Variants in YWHAZ observed in about 807,000 individuals in gnomAD.
YWHAZ encodes the protein 14-3-3 protein zeta/delta.
For synonymous variants in YWHAZ, 87 were observed against 103.6 expected, an observed-to-expected ratio of 0.84 and a Z score of 0.97; for missense variants, 79 against 284.8, an observed-to-expected ratio of 0.28 and a Z score of 5.20.
chr8:100,952,253 G>A, upstream of YWHAZ: 1 of 656,560 alleles, frequency 1.5e-6, no homozygotes, highest in Non-Finnish European at 1.9e-6. Context: ...GCCCGCAGCC[G>A]CCACTCCTCC....
intron 1 of YWHAZ, among the ~76,000 whole-genome samples, chr8:100,949,959 C>T (rs1810587278): frequency 6.6e-6 from 1 of 152,164 alleles, no homozygotes. Flanking sequence ...AAAATACACA[C>T]CCTGAATGAA....
chr8:100,952,864 G>A, upstream of YWHAZ: 1 of 1,000,430 alleles, frequency 1.0e-6, no homozygotes, highest in South Asian at 4.7e-5. Flanking sequence ...TGGCTCGGGG[G>A]AAGCGGTCCT....
rs1312331660 is a variant in YWHAZ at position 100,932,831 on chromosome 8, C to T, written c.295-7792G>A. Among the ~76,000 whole-genome samples, 3 of 151,948 alleles carry T rather than the reference C, an allele frequency of 2.0e-5. No homozygotes were observed. In the South Asian group the frequency reaches 6.2e-4, roughly 32 times the overall value. Reference sequence around the variant, plus strand: ...TCACTGAAAGATGTCTATTTAAGGGCTATTAATAAAATAATGTTTCAGATT... The same window carrying T: ...TCACTGAAAGATGTCTATTTAAGGGTTATTAATAAAATAATGTTTCAGATT... On this transcript the variant is annotated intron_variant, in intron 2 of 5. Transcript: ENST00000395958.
At chr8:100,934,676 A>G (rs1002018261) in intron 2 of YWHAZ, among the ~76,000 whole-genome samples, 2 of 152,130 alleles carry the variant, frequency 1.3e-5, no homozygotes, top group African/African-American at 4.8e-5. Flanking sequence ...ATAGGGCGAG[A>G]CTGTCTCCAA....
At chr8:100,953,004 G>C, upstream of YWHAZ, 1 of 1,000,600 alleles carries the variant, frequency 1.0e-6, no homozygotes, top group South Asian at 4.7e-5. Flanking sequence ...ATGGGTGGGC[G>C]CCGAGGTGGG....
chr8:100,942,717 C>A (rs1809964768), intron 2 of YWHAZ, among the ~76,000 whole-genome samples: 1 of 152,046 alleles, frequency 6.6e-6, no homozygotes, highest in African/African-American at 2.4e-5. Context: ...AGTGAGACGA[C>A]CAAACTAAAG....
At chr8:100,950,484 T>C (rs1810635881) in intron 1 of YWHAZ, 4 of 985,534 alleles carry the variant, frequency 4.1e-6, no homozygotes, top group Non-Finnish European at 4.8e-6. Context: ...GGTCCGCGTA[T>C]CGCAACCACC....
chr8:100,945,798 A>C (rs1027164506), intron 2 of YWHAZ, among the ~76,000 whole-genome samples: 10 of 152,134 alleles, frequency 6.6e-5, no homozygotes, highest in African/African-American at 2.4e-4. Flanking sequence ...AATTTTCCCA[A>C]GCAGAAAAAG....
Position 100,924,801 on chromosome 8 carries a change from A to T in YWHAZ, c.418+115T>A. On this transcript the variant is annotated intron_variant, in intron 3 of 5. Transcript: ENST00000395958. The surrounding 1 kb of genome is among the most constrained non-coding windows in gnomAD (Gnocchi z 5.7). ...TTCTCAGAACACAAAGAGCACTGCT[A>T]CTCCTTATTCGGCACTCTAAGCAAT... The T allele has an allele frequency of 7.6e-7, 1 of 1,323,856 alleles. No homozygotes were observed. Among genetic ancestry groups the T allele is most frequent in the Non-Finnish European group, 1.0e-6 (1 of 956,426 alleles). The allele number at this position is 1,323,856 out of a possible 1,614,324, so 82.0% of individuals were successfully genotyped here. A position where few individuals can be genotyped will look rare whatever the true frequency, so the allele number is the denominator to read the frequency against.
chr8:100,950,760 C>T (rs1328542408), intron 1 of YWHAZ: 7 of 212,450 alleles, frequency 3.3e-5, no homozygotes, highest in Admixed American at 6.5e-5. Context: ...CGCGGACACA[C>T]CCCGCTCTCC....
rs79447968 is a variant in YWHAZ at position 100,950,845 on chromosome 8, G to A, written c.-12+1084C>T. 2.7e-3 allele frequency: 436 copies of A among 161,358 alleles called. 4 individuals are homozygous for A. Among genetic ancestry groups the A allele is most frequent in the African/African-American group, 0.01 (425 of 41,728 alleles). The allele number at this position is 161,358 out of a possible 1,614,324, so 10.0% of individuals were successfully genotyped here. A position where few individuals can be genotyped will look rare whatever the true frequency, so the allele number is the denominator to read the frequency against. On this transcript the variant is annotated intron_variant, in intron 1 of 5. Transcript: ENST00000395958. The stretch of plus-strand genomic sequence containing the variant: ...GTCTCTAAGGGACCGACAGCTGCAG[G>A]TGGGGGAGGGGACGAGAGCCACACC...
chr8:100,938,127 T>C (rs575143428), intron 2 of YWHAZ, among the ~76,000 whole-genome samples: 1 of 152,188 alleles, frequency 6.6e-6, no homozygotes, highest in South Asian at 2.1e-4. Flanking sequence ...TCAAACTCCA[T>C]CTCAAACAAC....
chr8:100,939,373 T>A (rs1003409761), intron 2 of YWHAZ, among the ~76,000 whole-genome samples: 1 of 152,112 alleles, frequency 6.6e-6, no homozygotes, highest in East Asian at 1.9e-4. Flanking sequence ...TTTAAGAACA[T>A]CTAACGCTGG....
chr8:100,939,766 A>G (rs992983575), intron 2 of YWHAZ, among the ~76,000 whole-genome samples: 1 of 152,214 alleles, frequency 6.6e-6, no homozygotes, highest in Non-Finnish European at 1.5e-5. Context: ...TCATGCCTGT[A>G]ATCTCAGCAC....
chr8:100,950,382 T>A, intron 1 of YWHAZ: 1 of 985,470 alleles, frequency 1.0e-6, no homozygotes, highest in Non-Finnish European at 1.2e-6. Context: ...CGGGCAGGAC[T>A]CACCGCACCC....
intron 1 of YWHAZ, 29 bp downstream of exon 1, chr8:100,951,900 C>T (rs569098646): frequency 1.0e-6 from 1 of 993,140 alleles, no homozygotes; most frequent in Non-Finnish European, 1.2e-6. Flanking sequence ...GGACAGGAAG[C>T]GAGGCGCGGC....
chr8:100,924,268 T>C lies in YWHAZ; in HGVS notation c.449A>G (p.Gln150Arg). 6.2e-7 allele frequency: 1 copy of C among 1,613,680 alleles called. No individual in the cohort carries two copies. Among genetic ancestry groups the C allele is most frequent in the East Asian group, 2.2e-5 (1 of 44,884 alleles). Residue 150 changes from glutamine (Q) to arginine (R), a missense_variant, in exon 4 of 6, where the codon CAA becomes CGA. By Grantham distance (43) the Gln-to-Arg change is conservative (BLOSUM62 1). Transcript: ENST00000395958. The surrounding 1 kb of genome is among the most constrained non-coding windows in gnomAD (Gnocchi z 5.7). ...GIVDQSQQAY[Q>R]EAFEISKKEM... Reference sequence around the variant, plus strand: ...CTTTTTGCTGATTTCAAAAGCTTCTTGGTATGCTTGTTGTGACTGATCGAC... The same window carrying C: ...CTTTTTGCTGATTTCAAAAGCTTCTCGGTATGCTTGTTGTGACTGATCGAC...
intron 1 of YWHAZ, chr8:100,950,616 G>C (rs1160870805): frequency 7.1e-6 from 7 of 985,492 alleles, no homozygotes; most frequent in Middle Eastern, 5.1e-4. Flanking sequence ...CCCCCCGACC[G>C]GAGCCAGAGG....
At chr8:100,952,030 C>T, upstream of YWHAZ, 1 of 993,730 alleles carries the variant, frequency 1.0e-6, no homozygotes, top group Non-Finnish European at 1.2e-6. Flanking sequence ...CCCTGGATCT[C>T]GCTGCTCACA....
Sources: allele counts gnomAD v4.1 joint callset (sites outside exome capture counted in the v4.1 genomes callset), GRCh38; gene constraint gnomAD v4.1.1; non-coding constraint Gnocchi (gnomAD v3.1); transcripts MANE v1.5; gene names NCBI Gene and HGNC (gene_info 2026-07-23, HGNC 2026-07-21).